MICU2: variants seen among roughly 807,000 people sequenced by gnomAD.
The protein encoded by MICU2 is calcium uptake protein 2, mitochondrial.
MICU2 carries 64 observed loss-of-function variants against 60.4 expected under a neutral mutation model. The ratio of observed to expected loss-of-function variants is 1.06; its 90% CI spans 0.87 to 1.31. MICU2 has a LOEUF of 1.31. Ranked by LOEUF, MICU2 falls within the 50% of genes most tolerant of loss-of-function variation. The pLI, the probability that MICU2 is intolerant of heterozygous loss-of-function variation, is 0.00. For synonymous variants in MICU2, 201 were observed against 175.0 expected, an observed-to-expected ratio of 1.15 and a Z score of -1.17; for missense variants, 569 against 531.0, an observed-to-expected ratio of 1.07 and a Z score of -0.70.
chr13:21,604,113 C>T lies in MICU2; in HGVS notation c.36G>A (p.Ala12=), dbSNP rs780187077. 8.9e-6 allele frequency: 14 copies of T among 1,579,558 alleles called. No homozygotes were observed. The highest frequency in any genetic ancestry group is 1.2e-5 in the Non-Finnish European group (14 of 1,165,028). The change falls in exon 1 of 12, where the codon GCG becomes GCA. Residue 12 remains alanine, a synonymous_variant. Transcript: ENST00000382374. ...CCCGTCGCAGTTTTCCGCCCCAGGC[C>T]GCCACCCGCGCGCAGCTACCCGCAG... ...AAAAGSCARV[A]AWGGKLRRGL... is the part of the protein sequence containing the mutation.
chr13:21,581,044 G>A (rs1888336815), intron 1 of MICU2, among the ~76,000 whole-genome samples: 1 of 152,146 alleles, frequency 6.6e-6, no homozygotes, highest in African/African-American at 2.4e-5. Context: ...GTAACAGCAG[G>A]TAAAAATTAG....
At chr13:21,499,416 C>CT (rs1191097459) in intron 9 of MICU2, among the ~76,000 whole-genome samples, 108 of 146,120 alleles carry the variant, frequency 7.4e-4, no homozygotes, top group East Asian at 2.2e-3. Context: ...TCTCACATTT[C>CT]TTTTTTTTTT....
At chr13:21,534,943 G>A (rs950949078) in intron 4 of MICU2, among the ~76,000 whole-genome samples, 1 of 152,118 alleles carries the variant, frequency 6.6e-6, no homozygotes, top group Admixed American at 6.5e-5. Context: ...GCAGGAGTAT[G>A]GTAATTCCAT....
At chr13:21,522,788 ATAATAGTTGAAGT>A (rs1287017766) in intron 4 of MICU2, 138 bp from the exon 5 acceptor site, 5 of 555,676 alleles carry the variant, frequency 9.0e-6, no homozygotes, top group Non-Finnish European at 1.5e-5. Flanking sequence ...GAAAATTTTT[ATAATAGTTGAAGT>A]AGAGGCCTAA....
At chr13:21,578,121 A>G (rs1888268374) in intron 1 of MICU2, among the ~76,000 whole-genome samples, 1 of 152,226 alleles carries the variant, frequency 6.6e-6, no homozygotes, top group African/African-American at 2.4e-5. Flanking sequence ...AGTTTTTATC[A>G]AAGCCGTAGT....
chr13:21,596,964 G>T (rs1888708626), intron 1 of MICU2, among the ~76,000 whole-genome samples: 1 of 152,004 alleles, frequency 6.6e-6, no homozygotes, highest in African/African-American at 2.4e-5. Context: ...TAATTTAATT[G>T]GCTTGAGGTT....
intron 8 of MICU2, among the ~76,000 whole-genome samples, chr13:21,503,493 A>G (rs928401252): frequency 4.6e-5 from 7 of 152,252 alleles, no homozygotes; most frequent in Admixed American, 2.6e-4. Context: ...GAGGTGGGAC[A>G]CTGCTTTTAG....
At chr13:21,554,531 C>A (rs867967872) in intron 2 of MICU2, among the ~76,000 whole-genome samples, 5 of 152,188 alleles carry the variant, frequency 3.3e-5, no homozygotes, top group South Asian at 4.2e-4. Context: ...ACATTCAAAG[C>A]AGTGTGTAGA....
chr13:21,580,364 T>A (rs1016099649), intron 1 of MICU2, among the ~76,000 whole-genome samples: 1 of 152,220 alleles, frequency 6.6e-6, no homozygotes, highest in Non-Finnish European at 1.5e-5. Context: ...GTTACATACA[T>A]ACTTTTAAGG....
chr13:21,603,716 G>A (rs1420402599), intron 1 of MICU2: 5 of 573,274 alleles, frequency 8.7e-6, no homozygotes, highest in Non-Finnish European at 1.5e-5. Flanking sequence ...TCTCCCAAGG[G>A]AGGCAGAATC....
chr13:21,555,549 C>T (rs1208970897), intron 2 of MICU2, among the ~76,000 whole-genome samples: 3 of 152,130 alleles, frequency 2.0e-5, no homozygotes, highest in African/African-American at 7.2e-5. Context: ...CTATGACAAA[C>T]CCACAGCCAA....
At chr13:21,511,723 C>T (rs1287314071) in intron 7 of MICU2, among the ~76,000 whole-genome samples, 1 of 148,344 alleles carries the variant, frequency 6.7e-6, no homozygotes, top group Non-Finnish European at 1.5e-5. Flanking sequence ...CCTCTGACAA[C>T]AATTAATGAA....
intron 4 of MICU2, among the ~76,000 whole-genome samples, chr13:21,533,074 A>G (rs1388080778): frequency 6.6e-6 from 1 of 152,162 alleles, no homozygotes; most frequent in East Asian, 1.9e-4. Flanking sequence ...GTTGTACAGA[A>G]TAGATCTATA....
intron 4 of MICU2, among the ~76,000 whole-genome samples, chr13:21,526,112 A>AC (rs1294670226): frequency 7.7e-6 from 1 of 129,148 alleles, no homozygotes; most frequent in African/African-American, 2.8e-5. Flanking sequence ...TAATTAAAAT[A>AC]CTTTTTTTTT....
At chr13:21,587,084 C>T (rs138237819) in intron 1 of MICU2, among the ~76,000 whole-genome samples, 18 of 152,260 alleles carry the variant, frequency 1.2e-4, no homozygotes, top group African/African-American at 2.9e-4. Flanking sequence ...GACTTGGTTG[C>T]ACCCTCTCTT....
intron 1 of MICU2, among the ~76,000 whole-genome samples, chr13:21,571,879 G>C (rs1888119739): frequency 6.6e-6 from 1 of 152,160 alleles, no homozygotes; most frequent in Non-Finnish European, 1.5e-5. Flanking sequence ...GACAAAAATG[G>C]ACAGAGCAAA....
At chr13:21,504,019 T>G (rs1430777650) in intron 8 of MICU2, among the ~76,000 whole-genome samples, 1 of 152,144 alleles carries the variant, frequency 6.6e-6, no homozygotes, top group South Asian at 2.1e-4. Flanking sequence ...CTTAAAAGCA[T>G]GAAGGAGGAG....
intron 4 of MICU2, among the ~76,000 whole-genome samples, chr13:21,528,142 C>T (rs982742225): frequency 9.2e-5 from 14 of 152,084 alleles, no homozygotes; most frequent in Non-Finnish European, 1.9e-4. Flanking sequence ...ACTTCTTCTT[C>T]CTTATAATAA....
chr13:21,562,180 A>G (rs940861581), intron 2 of MICU2, among the ~76,000 whole-genome samples: 1 of 152,088 alleles, frequency 6.6e-6, no homozygotes, highest in Admixed American at 6.5e-5. Context: ...ATACATGTGC[A>G]TGTGTCTTTA....
Sources: allele counts gnomAD v4.1 joint callset (sites outside exome capture counted in the v4.1 genomes callset), GRCh38; gene constraint gnomAD v4.1.1; transcripts MANE v1.5; gene names NCBI Gene and HGNC (gene_info 2026-07-23, HGNC 2026-07-21).